COQ8B: variants seen among roughly 807,000 people sequenced by gnomAD.
The protein encoded by COQ8B is coenzyme Q8B, also known as atypical kinase COQ8B, mitochondrial.
A neutral mutation model predicts 62.0 loss-of-function variants in COQ8B; 44 were observed. The observed-to-expected ratio is 0.71, with a 90% CI of 0.56 to 0.91. COQ8B has a LOEUF of 0.91. COQ8B is among the 40% of genes least tolerant of loss of function. The probability of loss-of-function intolerance (pLI) is 0.00; values close to 1 mark genes in which losing one functional copy is unlikely to be tolerated. For missense variants in COQ8B, 649 were observed against 731.6 expected, an observed-to-expected ratio of 0.89 and a Z score of 1.30; for synonymous variants, 252 against 289.9, an observed-to-expected ratio of 0.87 and a Z score of 1.33.
At chr19:40,713,588 C>G (rs928817815) in intron 4 of COQ8B, among the ~76,000 whole-genome samples, 7 of 149,216 alleles carry the variant, frequency 4.7e-5, no homozygotes, top group Admixed American at 1.3e-4. Flanking sequence ...TAGTGGCAGG[C>G]ACCTGTAATC....
At chr19:40,706,500 C>CT (rs2082101990) in intron 5 of COQ8B, among the ~76,000 whole-genome samples, 1 of 152,218 alleles carries the variant, frequency 6.6e-6, no homozygotes, top group South Asian at 2.1e-4. Context: ...GTGTCTCACT[C>CT]TATCACCCAG....
In COQ8B at chr19:40,691,551, T is replaced by A. The variant is rs976582828; in HGVS notation, c.*484A>T. On this transcript the variant is annotated 3_prime_UTR_variant, in exon 15 of 15. Coordinates refer to ENST00000324464, the MANE Select transcript of COQ8B (RefSeq NM_024876.4). ...GGGGGAAGGGGAGGGCTGCTTTTAT[T>A]CCGATTGAAGATTCAGCTCCCCCCC... 1.3e-5 allele frequency: 2 copies of A among 153,042 alleles called. No individual in the cohort carries two copies. Among genetic ancestry groups the A allele is most frequent in the Non-Finnish European group, 2.9e-5 (2 of 68,748 alleles). 9.5% of individuals were successfully genotyped at this position (153,042 alleles called of 1,614,324 possible).
Position 40,702,646 on chromosome 19 carries a change from A to C in COQ8B, c.847T>G (p.Trp283Gly), listed in dbSNP as rs1404930396. 1.2e-6 allele frequency: 2 copies of C among 1,612,092 alleles called. No individual in the cohort carries two copies. Among genetic ancestry groups the C allele is most frequent in the Admixed American group, 1.7e-5 (1 of 59,996 alleles). The change falls in exon 10 of 15, where the codon TGG becomes GGG. Residue 283 changes from tryptophan (W) to glycine (G), a missense_variant. Transcript: ENST00000324464. ...SLQALQQELAWECDYRREAAC... is the reference protein window; with the variant it reads ...SLQALQQELAGECDYRREAAC... ...GCCTCACGACGGTAGTCACACTCCC[A>C]AGCCAGCTCCTGCTGCAAGGCCTGC...
At chr19:40,695,011 G>C (rs2082002933) in intron 13 of COQ8B, among the ~76,000 whole-genome samples, 2 of 152,220 alleles carry the variant, frequency 1.3e-5, no homozygotes, top group Admixed American at 6.5e-5. Flanking sequence ...TGGGCACAGA[G>C]GAGGGGTCAG....
chr19:40,710,338 G>T (rs1029889648), intron 4 of COQ8B, among the ~76,000 whole-genome samples: 2 of 152,152 alleles, frequency 1.3e-5, no homozygotes, highest in African/African-American at 4.8e-5. Flanking sequence ...TCCACCTCCC[G>T]GGTTCAAGCG....
Position 40,714,629 on chromosome 19 carries a change from A to C in COQ8B, c.4T>G (p.Trp2Gly). ...CGAAGTAGGCCCCCCACCTTCAGCC[A>C]CATTGCCTGGAGGAGAAGAGGAGGG... M[W>G]LKVGGLLRGT... is the part of the protein sequence containing the mutation. The change falls in exon 2 of 15, where the codon TGG becomes GGG. Residue 2 changes from tryptophan (W) to glycine (G), a missense_variant. By Grantham distance (184) the Trp-to-Gly change is radical (BLOSUM62 -2). Transcript: ENST00000324464. 1 of 1,602,770 alleles carries C rather than the reference A, an allele frequency of 6.2e-7. No homozygotes were observed. The highest frequency in any genetic ancestry group is 1.1e-5 in the South Asian group (1 of 89,992).
chr19:40,706,297 AAACTATTTTTATCGT>A (rs561855674), intron 5 of COQ8B, among the ~76,000 whole-genome samples: 70 of 152,310 alleles, frequency 4.6e-4, no homozygotes, highest in African/African-American at 1.7e-3. Flanking sequence ...CTGAGAGATC[AAACTATTTTTATCGT>A]AACATTAAGA....
intron 14 of COQ8B, 23 bp from the exon 15 acceptor site, chr19:40,692,396 A>G: frequency 6.2e-7 from 1 of 1,605,554 alleles, no homozygotes; most frequent in Non-Finnish European, 8.5e-7. Flanking sequence ...GTGGGGGGAG[A>G]GCAAAGGCAG....
intron 4 of COQ8B, among the ~76,000 whole-genome samples, chr19:40,711,365 G>A (rs979276525): frequency 2.0e-5 from 3 of 151,994 alleles, no homozygotes; most frequent in Admixed American, 6.6e-5. Context: ...CTGAGTAGCT[G>A]AGACCACACG....
In COQ8B at chr19:40,696,115, G is replaced by A. The variant is rs558465263; in HGVS notation, c.1144-61C>T. 72 of 1,561,302 alleles carry A rather than the reference G, an allele frequency of 4.6e-5. 1 individual carries two copies. The South Asian group carries it at 7.6e-4, about 16-fold the overall frequency. On this transcript the variant is annotated intron_variant, in intron 12 of 14. Transcript: ENST00000324464. ...CCCATTCACACCCTCACTGTCTATTGGGGCAGCCAGGATCTGTCTCCCTCC... is the reference window on the plus strand; with the variant it reads ...CCCATTCACACCCTCACTGTCTATTAGGGCAGCCAGGATCTGTCTCCCTCC...
At chr19:40,710,540 G>A (rs951428341) in intron 4 of COQ8B, among the ~76,000 whole-genome samples, 2 of 152,066 alleles carry the variant, frequency 1.3e-5, no homozygotes, top group African/African-American at 2.4e-5. Flanking sequence ...ATGAGACACC[G>A]CACTCAGTCT....
intron 3 of COQ8B, 72 bp downstream of exon 3, chr19:40,714,206 C>T: frequency 1.2e-6 from 2 of 1,607,498 alleles, no homozygotes; most frequent in Non-Finnish European, 1.7e-6. Context: ...ACTCTGCCAC[C>T]ACACCCTTCC....
chr19:40,710,413 A>AT (rs532242684), intron 4 of COQ8B, among the ~76,000 whole-genome samples: 170 of 151,618 alleles, frequency 1.1e-3, no homozygotes, highest in African/African-American at 3.9e-3. Flanking sequence ...GCCTGGCTAA[A>AT]TTTTTTTTGT....
chr19:40,706,257 C>A (rs1568441427), intron 5 of COQ8B, among the ~76,000 whole-genome samples: 1 of 152,194 alleles, frequency 6.6e-6, no homozygotes, highest in Non-Finnish European at 1.5e-5. Flanking sequence ...CCAGGGACCC[C>A]TGAGGGTCCC....
chr19:40,714,021 CCTTT>C lies in COQ8B; in HGVS notation c.289+42_289+45del, dbSNP rs902622836. The C allele has an allele frequency of 3.8e-6, 6 of 1,590,546 alleles. 1 individual carries two copies. The highest frequency in any genetic ancestry group is 5.2e-6 in the Non-Finnish European group (6 of 1,159,142). ...CCTTGCTTCAATCTGTAAATGTTGC[CCTTT>C]CTAATTGAGGTCACACCAAGATCCC... On this transcript the variant is annotated intron_variant, in intron 4 of 14. Coordinates refer to ENST00000324464, the MANE Select transcript of COQ8B (RefSeq NM_024876.4).
chr19:40,692,910 C>T (rs1482509904), intron 14 of COQ8B, 41 bp downstream of exon 14: 1 of 1,592,988 alleles, frequency 6.3e-7, no homozygotes, highest in Non-Finnish European at 8.6e-7. Context: ...CTGCACCCCA[C>T]CAACAGACAC....
chr19:40,692,076 T>C lies in COQ8B; in HGVS notation c.1594A>G (p.Ser532Gly), dbSNP rs1274928995. 2 of 1,608,508 alleles carry C rather than the reference T, an allele frequency of 1.2e-6. No homozygotes were observed. Among genetic ancestry groups the C allele is most frequent in the African/African-American group, 2.7e-5 (2 of 74,826 alleles). Residue 532 changes from serine to glycine, a missense_variant, in exon 15 of 15, where the codon AGC becomes GGC. Coordinates refer to ENST00000324464, the MANE Select transcript of COQ8B (RefSeq NM_024876.4). ...CAGGAGTCCCCTTTGGTGGGGAGGC[T>C]GCCGGCAGTGGCTGCGTCTGGCTGG... ...SRQPDAATAGSLPTKGDSWVD... is the reference protein window; with the variant it reads ...SRQPDAATAGGLPTKGDSWVD...
chr19:40,715,501 T>G, intron 1 of COQ8B: 2 of 985,400 alleles, frequency 2.0e-6, no homozygotes, highest in Non-Finnish European at 2.4e-6. Flanking sequence ...AGCAAACATT[T>G]CCCTTGCACA....
rs984364504 is a variant in COQ8B, at chr19:40,691,550, T to C, written c.*485A>G. 1 of 153,124 alleles carries C rather than the reference T, an allele frequency of 6.5e-6. No homozygotes were observed. Among genetic ancestry groups the C allele is most frequent in the Non-Finnish European group, 1.5e-5 (1 of 68,750 alleles). The allele number at this position is 153,124 out of a possible 1,614,324, so 9.5% of individuals were successfully genotyped here. The stretch of plus-strand genomic sequence containing the variant: ...TGGGGGAAGGGGAGGGCTGCTTTTA[T>C]TCCGATTGAAGATTCAGCTCCCCCC... On this transcript the variant is annotated 3_prime_UTR_variant, in exon 15 of 15. Transcript: ENST00000324464.
Sources: allele counts gnomAD v4.1 joint callset (sites outside exome capture counted in the v4.1 genomes callset), GRCh38; gene constraint gnomAD v4.1.1; transcripts MANE v1.5; gene names NCBI Gene and HGNC (gene_info 2026-07-23, HGNC 2026-07-21).